The following TTC8 variants were observed in gnomAD, a reference collection of about 807,000 sequenced individuals.
TTC8 encodes the protein tetratricopeptide repeat domain 8.
In TTC8, 47 loss-of-function variants were observed where a neutral mutation model predicts 72.5. The ratio of observed to expected loss-of-function variants is 0.65; its 90% CI spans 0.51 to 0.83. The LOEUF (loss-of-function observed/expected upper bound fraction) is 0.83, where lower values mean the gene tolerates loss of function less well. Ranked by LOEUF, TTC8 falls within the 40% of genes least tolerant of loss-of-function variation. TTC8 has a pLI of 0.00. For synonymous variants in TTC8, 199 were observed against 221.4 expected (o/e 0.90, Z 0.90); for missense variants, 611 against 623.2 (o/e 0.98, Z 0.21).
intron 1 of TTC8, among the ~76,000 whole-genome samples, chr14:88,832,502 C>T (rs2094730742): frequency 6.6e-6 from 1 of 151,990 alleles, no homozygotes; most frequent in Admixed American, 6.6e-5. Context: ...CTCCAAGAGG[C>T]ACTGGCAAGA....
chr14:88,846,350 A>G (rs973220980), intron 7 of TTC8, among the ~76,000 whole-genome samples: 95 of 152,018 alleles, frequency 6.2e-4, no homozygotes, highest in Non-Finnish European at 1.3e-3. Context: ...AGAAAAGAAA[A>G]CATTCTAACA....
rs934707322 is a variant in TTC8, at chr14:88,839,579, A to G, written c.265+7A>G. 2 of 1,612,884 alleles carry G rather than the reference A, an allele frequency of 1.2e-6. No individual in the cohort carries two copies. Among genetic ancestry groups the G allele is most frequent in the East Asian group, 2.2e-5 (1 of 44,704 alleles). On this transcript the variant is annotated splice_region_variant and intron_variant, in intron 3 of 14. Coordinates refer to ENST00000380656, the MANE Select transcript of TTC8 (RefSeq NM_144596.4). Reference sequence around the variant, plus strand: ...GCTATAGCTCAAGTTCCACGTAAGTATTGGGTTTTCAGTTAAGTTAATGAA... The same window carrying G: ...GCTATAGCTCAAGTTCCACGTAAGTGTTGGGTTTTCAGTTAAGTTAATGAA...
intron 10 of TTC8, among the ~76,000 whole-genome samples, chr14:88,865,891 G>T (rs2094907359): frequency 6.6e-6 from 1 of 151,938 alleles, no homozygotes; most frequent in South Asian, 2.1e-4. Flanking sequence ...AAGGAATAAA[G>T]AAAATAGAGT....
At chr14:88,840,346 A>G in intron 3 of TTC8, 1 of 159,356 alleles carries the variant, frequency 6.3e-6, no homozygotes, top group Non-Finnish European at 1.4e-5. Context: ...TATCTTTTGG[A>G]AGGTAATAGC....
In TTC8 at chr14:88,857,818, AAG is replaced by A. The variant is rs139253879; in HGVS notation, c.798+544_798+545del. ...ATACTCTTAAGGAAAATTAAATTTA[AAG>A]AGGGGTAAGTTTTTCAGGGTCCCTT... On this transcript the variant is annotated intron_variant, in intron 9 of 14. Coordinates refer to ENST00000380656, the MANE Select transcript of TTC8 (RefSeq NM_144596.4). Among the ~76,000 whole-genome samples, 2,400 of 152,232 alleles carry A rather than the reference AAG, an allele frequency of 0.016. 101 individuals are homozygous for A. The East Asian group carries it at 0.16, about 10-fold the overall frequency.
intron 14 of TTC8, among the ~76,000 whole-genome samples, chr14:88,875,371 T>C (rs1015025363): frequency 1.2e-4 from 18 of 152,198 alleles, no homozygotes; most frequent in Admixed American, 1.1e-3. Context: ...ATTTAGTCAT[T>C]GAAGAAATAC....
At chr14:88,860,476 C>T (rs2094880298) in intron 9 of TTC8, among the ~76,000 whole-genome samples, 1 of 152,212 alleles carries the variant, frequency 6.6e-6, no homozygotes, top group African/African-American at 2.4e-5. Flanking sequence ...TGTGTCCTCT[C>T]TTGTTTTGGA....
rs1490837524 is a variant in TTC8 at position 88,871,756 on chromosome 14, A to G, written c.1224+33A>G. On this transcript the variant is annotated intron_variant, in intron 12 of 14. Coordinates refer to ENST00000380656, the MANE Select transcript of TTC8 (RefSeq NM_144596.4). The surrounding 1 kb of genome is among the most constrained non-coding windows in gnomAD (Gnocchi z 4.1). ...GTCTTACTGATATAATTTCTGTTAT[A>G]GAAAGTTGGTTTGAGCCAGACACAG... The G allele has an allele frequency of 1.2e-5, 19 of 1,613,416 alleles. No individual in the cohort carries two copies. The highest frequency in any genetic ancestry group is 1.6e-5 in the Non-Finnish European group (19 of 1,179,616).
chr14:88,857,683 C>T (rs7141998), intron 9 of TTC8, among the ~76,000 whole-genome samples: 5 of 152,286 alleles, frequency 3.3e-5, no homozygotes, highest in African/African-American at 1.2e-4. Context: ...AAAAATAATA[C>T]TTCACCTTTA....
intron 13 of TTC8, among the ~76,000 whole-genome samples, chr14:88,874,798 CT>C (rs1566861668): frequency 6.6e-6 from 1 of 151,976 alleles, no homozygotes; most frequent in Non-Finnish European, 1.5e-5. Context: ...TTTTCTGTGT[CT>C]TATGAAGCAT....
intron 14 of TTC8, 65 bp downstream of exon 14, chr14:88,875,174 G>C (rs980906633): frequency 3.6e-5 from 51 of 1,405,656 alleles, no homozygotes; most frequent in Admixed American, 8.8e-5. Context: ...TTTAAAAAAA[G>C]TACAAATAAA....
At position 88,841,508 on chromosome 14, in the gene TTC8, G is replaced by T; in HGVS notation, c.573G>T (p.Leu191Phe). 6.2e-7 allele frequency: 1 copy of T among 1,612,042 alleles called. No homozygotes were observed. The highest frequency in any genetic ancestry group is 8.5e-7 in the Non-Finnish European group (1 of 1,178,444). ...CAAAGTATTCCCAGAAACCTAAGTT[G>T]GCAAAGGTATGTACTTAAAATGATT... ...NLTKYSQKPK[L>F]AKALFEYIFH... The change falls in exon 6 of 15, where the codon TTG (leucine) becomes TTT (phenylalanine). Residue 191 changes from leucine to phenylalanine, a missense_variant. By Grantham distance (22) the Leu-to-Phe change is conservative. Transcript: ENST00000380656.
In TTC8 at chr14:88,824,701, G is replaced by A. The variant is rs373886795; in HGVS notation, c.-7G>A. The A allele has an allele frequency of 3.7e-6, 6 of 1,600,010 alleles. No individual in the cohort carries two copies. Among genetic ancestry groups the A allele is most frequent in the Non-Finnish European group, 5.1e-6 (6 of 1,173,162 alleles). ...GCGCTGGGCCTTCGCTGGCCGCACC[G>A]GCAGCCATGAGCTCGGAGATGGAGC... is the stretch of plus-strand genomic sequence containing the variant. On this transcript the variant is annotated 5_prime_UTR_variant, in exon 1 of 15. Coordinates refer to ENST00000380656, the MANE Select transcript of TTC8 (RefSeq NM_144596.4).
At chr14:88,838,159 A>T (rs1330495166) in intron 2 of TTC8, among the ~76,000 whole-genome samples, 1 of 152,196 alleles carries the variant, frequency 6.6e-6, no homozygotes, top group Non-Finnish European at 1.5e-5. Context: ...AAATGTTCAT[A>T]GAATGCATTC....
intron 7 of TTC8, among the ~76,000 whole-genome samples, chr14:88,850,424 C>G (rs2094828272): frequency 6.6e-6 from 1 of 152,200 alleles, no homozygotes; most frequent in African/African-American, 2.4e-5. Context: ...AATGGTGGCT[C>G]ACACCTGTAA....
chr14:88,871,874 G>T lies in TTC8; in HGVS notation c.1224+151G>T. 1.2e-6 allele frequency: 1 copy of T among 849,674 alleles called. No individual in the cohort carries two copies. Among genetic ancestry groups the T allele is most frequent in the Non-Finnish European group, 1.9e-6 (1 of 529,546 alleles). The allele number at this position is 849,674 out of a possible 1,614,324, so 52.6% of individuals were successfully genotyped here. A position where few individuals can be genotyped will look rare whatever the true frequency, so the allele number is the denominator to read the frequency against. ...TGAGACCACCCTGGGCAACATAGTGGGACTCTGTCTCTACAAAAAATTTAA... is the reference window on the plus strand; with the variant it reads ...TGAGACCACCCTGGGCAACATAGTGTGACTCTGTCTCTACAAAAAATTTAA... On this transcript the variant is annotated intron_variant, in intron 12 of 14. Coordinates refer to ENST00000380656, the MANE Select transcript of TTC8 (RefSeq NM_144596.4). This position sits in a 1 kb window ranked among gnomAD's most constrained non-coding sequence, Gnocchi z 4.1.
intron 8 of TTC8, among the ~76,000 whole-genome samples, chr14:88,853,560 A>C (rs1340724858): frequency 1.3e-5 from 2 of 152,208 alleles, no homozygotes; most frequent in African/African-American, 4.8e-5. Context: ...GATGAAAAAA[A>C]TTGAGCCTCA....
At chr14:88,830,837 C>G (rs774838362) in intron 1 of TTC8, 6 of 455,882 alleles carry the variant, frequency 1.3e-5, no homozygotes, top group South Asian at 9.3e-5. Flanking sequence ...GAGTTTTCCC[C>G]TATCTCCTAA....
Position 88,846,681 on chromosome 14 carries a change from A to G in TTC8, c.624+2831A>G, listed in dbSNP as rs1266241410. ...AAAATCACATTGAAAAAAATGTAAG[A>G]TTTATTCCCTGCACTACTGCACTTA... On this transcript the variant is annotated intron_variant, in intron 7 of 14. Transcript: ENST00000380656. The G allele has an allele frequency of 2.1e-6, 3 of 1,401,228 alleles. No homozygotes were observed. In the Admixed American group the frequency reaches 6.0e-5, roughly 28 times the overall value. The allele number at this position is 1,401,228 out of a possible 1,614,324, so 86.8% of individuals were successfully genotyped here.
Sources: allele counts gnomAD v4.1 joint callset (sites outside exome capture counted in the v4.1 genomes callset), GRCh38; gene constraint gnomAD v4.1.1; non-coding constraint Gnocchi (gnomAD v3.1); transcripts MANE v1.5; gene names NCBI Gene and HGNC (gene_info 2026-07-23, HGNC 2026-07-21).